Variants in ARHGAP1 observed in about 807,000 individuals in gnomAD.
ARHGAP1 encodes rho GTPase-activating protein 1.
In ARHGAP1, 23 loss-of-function variants were observed where a neutral mutation model predicts 52.2. The observed-to-expected ratio is 0.44, with a 90% CI of 0.32 to 0.62. The LOEUF (loss-of-function observed/expected upper bound fraction) is 0.62, where lower values mean the gene tolerates loss of function less well. Among genes scored for constraint, ARHGAP1 ranks in the 20% least tolerant of loss-of-function variants. The pLI, the probability that ARHGAP1 is intolerant of heterozygous loss-of-function variation, is 0.05. For missense variants in ARHGAP1, 480 were observed against 560.9 expected (o/e 0.86, Z 1.46); for synonymous variants, 210 against 228.4 (o/e 0.92, Z 0.73).
chr11:46,698,995 G>C (rs2064678095), intron 1 of ARHGAP1, among the ~76,000 whole-genome samples: 1 of 152,176 alleles, frequency 6.6e-6, no homozygotes, highest in African/African-American at 2.4e-5. Context: ...GCTCTACTCT[G>C]TGCAAAATAC....
At chr11:46,698,447 C>CAAA (rs879705741) in intron 1 of ARHGAP1, among the ~76,000 whole-genome samples, 2 of 135,288 alleles carry the variant, frequency 1.5e-5, no homozygotes, top group African/African-American at 5.4e-5. Context: ...ACTAAAAGTA[C>CAAA]AAAAAAAAAA....
intron 4 of ARHGAP1, among the ~76,000 whole-genome samples, chr11:46,685,772 G>A (rs1305422310): frequency 3.4e-5 from 5 of 148,990 alleles, no homozygotes; most frequent in African/African-American, 1.0e-4. Flanking sequence ...TCTACCTCCC[G>A]GGTTCAAGCA....
chr11:46,684,814 G>A (rs2064555212), intron 4 of ARHGAP1, among the ~76,000 whole-genome samples: 1 of 152,160 alleles, frequency 6.6e-6, no homozygotes, highest in Non-Finnish European at 1.5e-5. Flanking sequence ...CAGGCTGGGT[G>A]TGGTGCCTCA....
intron 4 of ARHGAP1, chr11:46,687,460 C>T (rs1476944282): frequency 6.6e-6 from 1 of 152,318 alleles, no homozygotes; most frequent in African/African-American, 2.4e-5. Context: ...CAGGATTTTA[C>T]ATTTCAGAGA....
chr11:46,679,838 A>G lies in ARHGAP1; in HGVS notation c.899-62T>C. 2 of 1,604,680 alleles carry G rather than the reference A, an allele frequency of 1.2e-6. No individual in the cohort carries two copies. Among genetic ancestry groups the G allele is most frequent in the Non-Finnish European group, 1.7e-6 (2 of 1,177,488 alleles). On this transcript the variant is annotated intron_variant, in intron 10 of 12. Transcript: ENST00000311956. The surrounding 1 kb of genome is among the most constrained non-coding windows in gnomAD (Gnocchi z 4.4). Reference sequence around the variant, plus strand: ...CCTGAAGGGCAGCACCCATCTGCAGACAACGCGGGCCGCACTGCCTGACTG... The same window carrying G: ...CCTGAAGGGCAGCACCCATCTGCAGGCAACGCGGGCCGCACTGCCTGACTG...
At position 46,680,802 on chromosome 11, in the gene ARHGAP1, C is replaced by T; in HGVS notation, c.636-55G>A. 1 of 1,357,842 alleles carries T rather than the reference C, an allele frequency of 7.4e-7. No homozygotes were observed. Among genetic ancestry groups the T allele is most frequent in the African/African-American group, 1.4e-5 (1 of 69,018 alleles). The allele number at this position is 1,357,842 out of a possible 1,614,324, so 84.1% of individuals were successfully genotyped here. A position where few individuals can be genotyped will look rare whatever the true frequency, so the allele number is the denominator to read the frequency against. On this transcript the variant is annotated intron_variant, in intron 7 of 12. Coordinates refer to ENST00000311956, the MANE Select transcript of ARHGAP1 (RefSeq NM_004308.5). This position sits in a 1 kb window ranked among gnomAD's most constrained non-coding sequence, Gnocchi z 5.9. ...CCTGCCTGGCTCTGGAGTCACTCTGCCAATTCAATCAAGCATTGACCACGC... is the reference window on the plus strand; with the variant it reads ...CCTGCCTGGCTCTGGAGTCACTCTGTCAATTCAATCAAGCATTGACCACGC...
chr11:46,692,129 G>A (rs2064619542), intron 3 of ARHGAP1, among the ~76,000 whole-genome samples: 1 of 152,206 alleles, frequency 6.6e-6, no homozygotes, highest in Non-Finnish European at 1.5e-5. Flanking sequence ...AGCTGGGGGT[G>A]GCTCTGGGGC....
In ARHGAP1 at chr11:46,696,229, C is replaced by T; in HGVS notation, c.-49-73G>A. On this transcript the variant is annotated intron_variant, in intron 1 of 12. Transcript: ENST00000311956. The surrounding 1 kb of genome is among the most constrained non-coding windows in gnomAD (Gnocchi z 4.8). Reference sequence around the variant, plus strand: ...CCTTCTGCGACCTCCACCGCGTGCCCTCCTGCCCCCACCATTCCCTCTCCC... The same window carrying T: ...CCTTCTGCGACCTCCACCGCGTGCCTTCCTGCCCCCACCATTCCCTCTCCC... 9.6e-7 allele frequency: 1 copy of T among 1,046,684 alleles called. No individual in the cohort carries two copies. The highest frequency in any genetic ancestry group is 1.4e-6 in the Non-Finnish European group (1 of 735,096). 64.8% of individuals were successfully genotyped at this position (1,046,684 alleles called of 1,614,324 possible). A position where few individuals can be genotyped will look rare whatever the true frequency, so the allele number is the denominator to read the frequency against.
intron 3 of ARHGAP1, among the ~76,000 whole-genome samples, chr11:46,694,459 C>G (rs577627230): frequency 6.6e-6 from 1 of 152,086 alleles, no homozygotes; most frequent in Admixed American, 6.6e-5. Flanking sequence ...TCAGGCTCAT[C>G]GTAGTCTAGG....
rs911409881 is a variant in ARHGAP1 at position 46,688,265 on chromosome 11, G to A, written c.230-5C>T. 9 of 1,612,724 alleles carry A rather than the reference G, an allele frequency of 5.6e-6. No individual in the cohort carries two copies. Among genetic ancestry groups the A allele is most frequent in the African/African-American group, 5.3e-5 (4 of 74,990 alleles). On this transcript the variant is annotated splice_region_variant and splice_polypyrimidine_tract_variant and intron_variant, in intron 3 of 12. Transcript: ENST00000311956. ...TCCGCCCATACTTGTCATCTCCTAG[G>A]TGTGGAGAAAGATGGAGCACAGTGG...
intron 3 of ARHGAP1, chr11:46,695,128 A>T: frequency 4.0e-6 from 1 of 251,134 alleles, no homozygotes; most frequent in Non-Finnish European, 8.0e-6. Context: ...GCTCCCTGAG[A>T]CAGAGACCTA....
chr11:46,688,352 A>G lies in ARHGAP1; in HGVS notation c.230-92T>C, dbSNP rs1244207446. The G allele has an allele frequency of 3.9e-6, 5 of 1,292,372 alleles. No individual in the cohort carries two copies. In the South Asian group the frequency reaches 4.0e-5, roughly 10 times the overall value. The allele number at this position is 1,292,372 out of a possible 1,614,324, so 80.1% of individuals were successfully genotyped here. ...TAAAGGGGCCAGGCCTGCTGATCTG[A>G]GCCAGTTACCACAGGGGCCAGAGTG... is the stretch of plus-strand genomic sequence containing the variant. On this transcript the variant is annotated intron_variant, in intron 3 of 12. Coordinates refer to ENST00000311956, the MANE Select transcript of ARHGAP1 (RefSeq NM_004308.5).
In ARHGAP1 at chr11:46,680,299, C is replaced by G; in HGVS notation, c.821-17G>C. Reference sequence around the variant, plus strand: ...TGGTGAGAGCTGGGAAACAGTAGGGCCTGGTGAGCCTCCGAGCGCTGGGCA... The same window carrying G: ...TGGTGAGAGCTGGGAAACAGTAGGGGCTGGTGAGCCTCCGAGCGCTGGGCA... On this transcript the variant is annotated splice_polypyrimidine_tract_variant and intron_variant, in intron 9 of 12. Coordinates refer to ENST00000311956, the MANE Select transcript of ARHGAP1 (RefSeq NM_004308.5). This position sits in a 1 kb window ranked among gnomAD's most constrained non-coding sequence, Gnocchi z 5.9. 5 of 1,613,720 alleles carry G rather than the reference C, an allele frequency of 3.1e-6. No homozygotes were observed. Among genetic ancestry groups the G allele is most frequent in the Non-Finnish European group, 4.2e-6 (5 of 1,179,726 alleles).
intron 2 of ARHGAP1, 75 bp downstream of exon 2, chr11:46,695,900 G>A (rs766923183): frequency 5.2e-4 from 832 of 1,609,254 alleles, no homozygotes; most frequent in Non-Finnish European, 6.6e-4. Flanking sequence ...TGCCCTCCTG[G>A]CGTCTCCCTT....
chr11:46,681,831 A>G lies in ARHGAP1; in HGVS notation c.449+220T>C, dbSNP rs774640229. 5.3e-5 allele frequency among the ~76,000 whole-genome samples: 8 copies of G among 152,322 alleles called. No homozygotes were observed. Among genetic ancestry groups the G allele is most frequent in the Non-Finnish European group, 1.0e-4 (7 of 68,036 alleles). On this transcript the variant is annotated intron_variant, in intron 5 of 12. Transcript: ENST00000311956. The surrounding 1 kb of genome is among the most constrained non-coding windows in gnomAD (Gnocchi z 5.7). ...AGATTAGAAAACAGGAGGCTCAAAGAGGTTAAGTAAAACAAGAGGTCAGAG... is the reference window on the plus strand; with the variant it reads ...AGATTAGAAAACAGGAGGCTCAAAGGGGTTAAGTAAAACAAGAGGTCAGAG...
At position 46,680,834 on chromosome 11, in the gene ARHGAP1, AGGAGGATCATCTC is replaced by A; in HGVS notation, c.636-100_636-88del. Reference sequence around the variant, plus strand: ...AATCAAGCATTGACCACGCGGGGTCAGGAGGATCATCTCATGCGATCTCTGTAACAACTCCGCT... The same window carrying A: ...AATCAAGCATTGACCACGCGGGGTCAATGCGATCTCTGTAACAACTCCGCT... On this transcript the variant is annotated intron_variant, in intron 7 of 12. Transcript: ENST00000311956. This position sits in a 1 kb window ranked among gnomAD's most constrained non-coding sequence, Gnocchi z 5.9. 3 of 1,148,192 alleles carry A rather than the reference AGGAGGATCATCTC, an allele frequency of 2.6e-6. No homozygotes were observed. The highest frequency in any genetic ancestry group is 2.5e-6 in the Non-Finnish European group (2 of 811,112). 71.1% of individuals were successfully genotyped at this position (1,148,192 alleles called of 1,614,324 possible).
At position 46,695,964 on chromosome 11, in the gene ARHGAP1, C is replaced by T; in HGVS notation, c.133+11G>A. 1 of 1,614,208 alleles carries T rather than the reference C, an allele frequency of 6.2e-7. No homozygotes were observed. Among genetic ancestry groups the T allele is most frequent in the Non-Finnish European group, 8.5e-7 (1 of 1,180,026 alleles). On this transcript the variant is annotated intron_variant, in intron 2 of 12. Transcript: ENST00000311956. ...GCGCCTGTAGCTGCCTGAGACCAGA[C>T]ACAAGCCCACCTGACTTGGGGAAGT...
In ARHGAP1 at chr11:46,695,252, C is replaced by T. The variant is rs1422666093; in HGVS notation, c.229+408G>A. ...GGAAAGAGGCTCTGCCCATTCCAGACTTCCCTAGGGCTACAATTTCCCAGG... is the reference window on the plus strand; with the variant it reads ...GGAAAGAGGCTCTGCCCATTCCAGATTTCCCTAGGGCTACAATTTCCCAGG... On this transcript the variant is annotated intron_variant, in intron 3 of 12. Coordinates refer to ENST00000311956, the MANE Select transcript of ARHGAP1 (RefSeq NM_004308.5). 5 of 351,240 alleles carry T rather than the reference C, an allele frequency of 1.4e-5. No individual in the cohort carries two copies. The East Asian group carries it at 3.7e-4, about 26-fold the overall frequency. The allele number at this position is 351,240 out of a possible 1,614,324, so 21.8% of individuals were successfully genotyped here. A position where few individuals can be genotyped will look rare whatever the true frequency, so the allele number is the denominator to read the frequency against.
chr11:46,692,879 G>A (rs1251848577), intron 3 of ARHGAP1, among the ~76,000 whole-genome samples: 6 of 148,698 alleles, frequency 4.0e-5, no homozygotes, highest in Non-Finnish European at 5.9e-5. Context: ...TTGAGACGGC[G>A]TCTCGCTCTG....
Sources: gnomAD v4.1 joint callset for allele counts (sites outside exome capture counted in the v4.1 genomes callset) on GRCh38, gnomAD v4.1.1 for gene constraint, Gnocchi (gnomAD v3.1) non-coding constraint, MANE v1.5 for transcripts, NCBI Gene and HGNC (gene_info 2026-07-23, HGNC 2026-07-21) for gene names.